Variants in STXBP2 observed in about 807,000 individuals in gnomAD.
The protein encoded by STXBP2 is syntaxin binding protein 2.
A neutral mutation model predicts 72.2 loss-of-function variants in STXBP2; 47 were observed. The observed-to-expected ratio is 0.65, with a 90% CI of 0.51 to 0.83. The LOEUF is 0.83. Among genes scored for constraint, STXBP2 ranks in the 40% least tolerant of loss-of-function variants. STXBP2 has a pLI of 0.00. For missense variants in STXBP2, 702 were observed against 807.6 expected (o/e 0.87, Z 1.58); for synonymous variants, 367 against 338.7 (o/e 1.08, Z -0.92).
chr19:7,640,100 G>T (rs1568464669), intron 4 of STXBP2: 1 of 607,050 alleles, frequency 1.6e-6, no homozygotes, highest in South Asian at 1.5e-5. Flanking sequence ...GTGTGCATTT[G>T]TGTCTGTGCA....
intron 16 of STXBP2, 91 bp downstream of exon 16, chr19:7,646,435 T>C (rs1304523260): frequency 1.7e-6 from 2 of 1,195,300 alleles, no homozygotes; most frequent in Admixed American, 4.0e-5. Context: ...CCTCAGGGCT[T>C]AGGGGAAAAT....
chr19:7,630,909 G>A, the STXBP2 span: 1 of 1,534,038 alleles, frequency 6.5e-7, no homozygotes, highest in East Asian at 2.4e-5. Flanking sequence ...TCCGGGATGG[G>A]TTTTAGATGA....
chr19:7,644,644 G>A lies in STXBP2; in HGVS notation c.1138G>A (p.Glu380Lys), dbSNP rs772141641. The A allele has an allele frequency of 1.2e-6, 2 of 1,613,302 alleles. No homozygotes were observed. ...DLAMGSDAEGEKIKDSMKLIV... is the reference protein window; with the variant it reads ...DLAMGSDAEGKKIKDSMKLIV... ...GGCCATGGGCTCCGACGCAGAGGGG[G>A]AGAAGATCAAGGACTCCATGAAGCT... The change falls in exon 14 of 19, where the codon GAG becomes AAG. Residue 380 changes from glutamate (E) to lysine (K), a missense_variant. Coordinates refer to ENST00000221283, the MANE Select transcript of STXBP2 (RefSeq NM_006949.4).
rs530168896 is a variant in STXBP2 at position 7,647,399 on chromosome 19, C to T, written c.1584C>T (p.Ala528=). ...ACAAGAACAAGGCTGGCATAGAAGCCCGGGCGGGCCCCCGGCTCATCGTGT... is the reference window on the plus strand; with the variant it reads ...ACAAGAACAAGGCTGGCATAGAAGCTCGGGCGGGCCCCCGGCTCATCGTGT... The part of the protein sequence containing the change: ...HWHKNKAGIE[A]RAGPRLIVYV... The change falls in exon 18 of 19, where the codon GCC becomes GCT. Residue 528 remains alanine, a synonymous_variant. Transcript: ENST00000221283. The T allele has an allele frequency of 2.5e-6, 4 of 1,613,518 alleles. No individual in the cohort carries two copies. The highest frequency in any genetic ancestry group is 2.2e-5 in the South Asian group (2 of 91,084).
At chr19:7,645,387 G>A in intron 15 of STXBP2, 81 bp downstream of exon 15, 1 of 1,316,170 alleles carries the variant, frequency 7.6e-7, no homozygotes, top group Non-Finnish European at 1.1e-6. Context: ...AGGGCCATTG[G>A]TGCACAGGCA....
rs776675502 is a variant in STXBP2, at chr19:7,647,155, C to T, written c.1453-7C>T. On this transcript the variant is annotated splice_polypyrimidine_tract_variant and splice_region_variant and intron_variant, in intron 16 of 18. Coordinates refer to ENST00000221283, the MANE Select transcript of STXBP2 (RefSeq NM_006949.4). ...GTTCCTCCCCTAACCTGCCTCTCGG[C>T]CGCCAGGACGCCGTGGAGGACCGGC... 4 of 1,611,440 alleles carry T rather than the reference C, an allele frequency of 2.5e-6. No homozygotes were observed. The highest frequency in any genetic ancestry group is 4.5e-5 in the East Asian group (2 of 44,860).
At chr19:7,640,430 C>CTG (rs112075879) in intron 4 of STXBP2, 12 of 612,336 alleles carry the variant, frequency 2.0e-5, no homozygotes, top group South Asian at 4.8e-5. Context: ...GCGCGCGCAT[C>CTG]TGTGTGTGTG....
At chr19:7,641,952 C>T in intron 7 of STXBP2, 82 bp from the exon 8 acceptor site, 1 of 1,605,386 alleles carries the variant, frequency 6.2e-7, no homozygotes. Flanking sequence ...CCCGGCCCTA[C>T]CCTGGCCCCT....
chr19:7,631,469 C>G, the STXBP2 span: 2 of 1,535,804 alleles, frequency 1.3e-6, no homozygotes, highest in Non-Finnish European at 1.7e-6. Context: ...TTCTCCACCC[C>G]TAGCTTCAAG....
chr19:7,644,012 A>C (rs1471714221), intron 13 of STXBP2, among the ~76,000 whole-genome samples: 1 of 57,878 alleles, frequency 1.7e-5, no homozygotes, highest in East Asian at 6.5e-4. Flanking sequence ...GAGGGGTGGA[A>C]CCTCGGAGAG....
chr19:7,634,981 G>A (rs1011477962), upstream of STXBP2, among the ~76,000 whole-genome samples: 1 of 152,212 alleles, frequency 6.6e-6, no homozygotes, highest in Non-Finnish European at 1.5e-5. Flanking sequence ...GGACACCAGT[G>A]ATATTGCATT....
chr19:7,637,742 C>T (rs2031611769), intron 1 of STXBP2, among the ~76,000 whole-genome samples: 1 of 152,170 alleles, frequency 6.6e-6, no homozygotes, highest in Non-Finnish European at 1.5e-5. Flanking sequence ...TGGAGGGCGC[C>T]TCTTCCTCCA....
the STXBP2 span, chr19:7,631,713 G>A: frequency 6.9e-7 from 1 of 1,453,716 alleles, no homozygotes; most frequent in Non-Finnish European, 9.1e-7. Context: ...TCGGGGGCTG[G>A]GGGCTGCTGT....
chr19:7,647,686 G>A (rs753772503), intron 18 of STXBP2, 39 bp from the exon 19 acceptor site: 13 of 1,610,094 alleles, frequency 8.1e-6, no homozygotes, highest in Admixed American at 1.7e-5. Context: ...CGAAGGCAGC[G>A]CCCCCCAACA....
upstream of STXBP2, chr19:7,633,606 C>A: frequency 2.8e-6 from 2 of 721,206 alleles, no homozygotes; most frequent in Non-Finnish European, 4.6e-6. Context: ...CAAGCTTAAG[C>A]CCCATAAAGA....
At position 7,643,023 on chromosome 19, in the gene STXBP2, C is replaced by T. The variant is rs747031778; in HGVS notation, c.1001C>T (p.Pro334Leu). ...KDLSQILKKM[P>L]QYQKELNKYS... ...CTATCCCAGATCCTGAAAAAGATGCCGCAGTACCAGAAGGAGCTGAATAAG... is the reference window on the plus strand; with the variant it reads ...CTATCCCAGATCCTGAAAAAGATGCTGCAGTACCAGAAGGAGCTGAATAAG... The change falls in exon 12 of 19, where the codon CCG (proline) becomes CTG (leucine). Residue 334 changes from proline to leucine, a missense_variant. Transcript: ENST00000221283. The T allele has an allele frequency of 5.7e-5, 92 of 1,614,176 alleles. No individual in the cohort carries two copies. The highest frequency in any genetic ancestry group is 3.7e-5 in the Non-Finnish European group (44 of 1,180,032).
In STXBP2 at chr19:7,644,691, C is replaced by T. The variant is rs759967009; in HGVS notation, c.1185C>T (p.Asp395=). ...SMKLIVPVLL[D]AAVPAYDKIR... ...AGCTGATCGTTCCGGTGCTGCTGGA[C>T]GCGGCGGTGCCCGCCTACGACAAGA... The change falls in exon 14 of 19, where the codon GAC becomes GAT. Residue 395 remains aspartate (D), a synonymous_variant. Transcript: ENST00000221283. The T allele has an allele frequency of 9.9e-6, 16 of 1,613,680 alleles. No individual in the cohort carries two copies. The highest frequency in any genetic ancestry group is 1.6e-4 in the Middle Eastern group (1 of 6,080).
chr19:7,631,777 C>A, the STXBP2 span: 2 of 1,415,374 alleles, frequency 1.4e-6, no homozygotes, highest in Non-Finnish European at 1.9e-6. Context: ...GGGTTGGGGA[C>A]TGAGGGTCCC....
At chr19:7,630,595 C>T in the STXBP2 span, 3 of 1,537,186 alleles carry the variant, frequency 2.0e-6, no homozygotes, top group South Asian at 2.4e-5. Context: ...CTCACTTTCC[C>T]TGTGGCTATG....
Sources: allele counts gnomAD v4.1 joint callset (sites outside exome capture counted in the v4.1 genomes callset), GRCh38; gene constraint gnomAD v4.1.1; transcripts MANE v1.5; gene names NCBI Gene and HGNC (gene_info 2026-07-23, HGNC 2026-07-21).